The following GADL1 variants were observed in gnomAD, a reference collection of about 807,000 sequenced individuals.
GADL1 encodes GAD like acidic amino acid decarboxylase 1.
Under a neutral mutation model 69.5 loss-of-function variants are expected in GADL1, and 71 were observed. That is an observed-to-expected ratio of 1.02 (90% CI 0.84 to 1.25). GADL1 has a LOEUF of 1.25. GADL1 is among the 50% of genes most tolerant of loss of function. GADL1 has a pLI of 0.00. For synonymous variants in GADL1, 254 were observed against 214.4 expected (o/e 1.18, Z -1.62); for missense variants, 737 against 631.8 (o/e 1.17, Z -1.79).
chr3:30,861,737 T>G lies in GADL1; in HGVS notation c.66A>C (p.Pro22=). The part of the protein sequence containing the change: ...DGDIDQQEMI[P]SKKNAVLVDG... ...CCACAAGAACAGCATTCTTCTTACT[T>G]GGAATCATCTCTTGTTGATCAATAT... is the stretch of plus-strand genomic sequence containing the variant. Residue 22 remains proline, a synonymous_variant, in exon 2 of 15, where the codon CCA becomes CCC. Transcript: ENST00000282538. The G allele has an allele frequency of 1.3e-6, 2 of 1,547,082 alleles. No individual in the cohort carries two copies. The highest frequency in any genetic ancestry group is 1.7e-6 in the Non-Finnish European group (2 of 1,144,872).
In GADL1 at chr3:30,801,229, A is replaced by C; in HGVS notation, c.1051-141T>G. On this transcript the variant is annotated intron_variant, in intron 11 of 14. Transcript: ENST00000282538. ...ACTTTGACTGCCTTACATCAGACAC[A>C]ATCAGTGTACATTGACTTTCAGATA... is the stretch of plus-strand genomic sequence containing the variant. 3 of 646,324 alleles carry C rather than the reference A, an allele frequency of 4.6e-6. No individual in the cohort carries two copies. The South Asian group carries it at 5.6e-5, about 12-fold the overall frequency. 40.0% of individuals were successfully genotyped at this position (646,324 alleles called of 1,614,324 possible).
intron 14 of GADL1, among the ~76,000 whole-genome samples, chr3:30,773,815 T>G (rs945038407): frequency 3.3e-5 from 5 of 151,906 alleles, no homozygotes; most frequent in African/African-American, 1.2e-4. Flanking sequence ...TGCTGAAAGA[T>G]AAGATATTTG....
intron 14 of GADL1, among the ~76,000 whole-genome samples, chr3:30,739,392 C>T (rs901572858): frequency 3.3e-5 from 5 of 152,162 alleles, no homozygotes; most frequent in African/African-American, 1.2e-4. Flanking sequence ...CACCTGCCTG[C>T]ACCCATGCAC....
At chr3:30,889,667 CTT>C (rs1698761037) in intron 1 of GADL1, among the ~76,000 whole-genome samples, 1 of 151,960 alleles carries the variant, frequency 6.6e-6, no homozygotes, top group Admixed American at 6.6e-5. Context: ...TCACGCATCT[CTT>C]TTAACTCAAT....
chr3:30,774,484 T>TACC (rs1303347931), intron 14 of GADL1, among the ~76,000 whole-genome samples: 1 of 152,224 alleles, frequency 6.6e-6, no homozygotes, highest in African/African-American at 2.4e-5. Flanking sequence ...ATATCATTAA[T>TACC]ACCACACTGT....
intron 14 of GADL1, among the ~76,000 whole-genome samples, chr3:30,767,861 TTA>T (rs1439027006): frequency 1.3e-5 from 2 of 152,122 alleles, no homozygotes; most frequent in South Asian, 2.1e-4. Flanking sequence ...CATGTTACCC[TTA>T]TTCAAATTTA....
At chr3:30,796,747 C>G (rs1697040725) in intron 12 of GADL1, among the ~76,000 whole-genome samples, 1 of 152,146 alleles carries the variant, frequency 6.6e-6, no homozygotes, top group Non-Finnish European at 1.5e-5. Context: ...TTCTGAAAGT[C>G]ATCACTACAC....
At chr3:30,833,643 A>G (rs1697826572) in intron 11 of GADL1, among the ~76,000 whole-genome samples, 1 of 152,100 alleles carries the variant, frequency 6.6e-6, no homozygotes. Context: ...TATAATACCT[A>G]AATCAAATCC....
At chr3:30,827,632 G>T (rs986504305) in intron 11 of GADL1, among the ~76,000 whole-genome samples, 4 of 151,850 alleles carry the variant, frequency 2.6e-5, no homozygotes, top group African/African-American at 9.7e-5. Context: ...TGACAGAGGT[G>T]TTTGTGATTA....
chr3:30,755,732 AAAT>A (rs1287184291), intron 14 of GADL1, among the ~76,000 whole-genome samples: 14 of 68,594 alleles, frequency 2.0e-4, no homozygotes, highest in Admixed American at 1.2e-3. Flanking sequence ...AATGTTCAAT[AAAT>A]AATTGTTAAA....
chr3:30,771,750 T>A (rs747369130), intron 14 of GADL1, among the ~76,000 whole-genome samples: 1 of 152,230 alleles, frequency 6.6e-6, no homozygotes, highest in African/African-American at 2.4e-5. Flanking sequence ...AATATACTAA[T>A]GTCAAAGACA....
At chr3:30,754,494 G>GC (rs1559488378) in intron 14 of GADL1, among the ~76,000 whole-genome samples, 1 of 151,946 alleles carries the variant, frequency 6.6e-6, no homozygotes, top group East Asian at 1.9e-4. Flanking sequence ...ATCTTCAGGA[G>GC]TTCTGGGAGC....
At chr3:30,765,527 A>G (rs898821039) in intron 14 of GADL1, among the ~76,000 whole-genome samples, 1 of 152,326 alleles carries the variant, frequency 6.6e-6, no homozygotes, top group East Asian at 1.9e-4. Context: ...AATCAACCCC[A>G]TTATTAAACA....
At chr3:30,830,042 C>T (rs1227977842) in intron 11 of GADL1, among the ~76,000 whole-genome samples, 1 of 151,820 alleles carries the variant, frequency 6.6e-6, no homozygotes, top group African/African-American at 2.4e-5. Flanking sequence ...TCACATGCCT[C>T]ACATTTTGTA....
intron 12 of GADL1, among the ~76,000 whole-genome samples, chr3:30,787,586 T>C (rs945753486): frequency 7.9e-5 from 12 of 152,132 alleles, no homozygotes; most frequent in African/African-American, 2.9e-4. Flanking sequence ...GATTTTTATA[T>C]ATAATAGCAA....
intron 12 of GADL1, among the ~76,000 whole-genome samples, chr3:30,792,803 A>G (rs1464146561): frequency 6.6e-6 from 1 of 152,156 alleles, no homozygotes; most frequent in Admixed American, 6.5e-5. Flanking sequence ...AGTTCTATTT[A>G]GGTAAGAATA....
Position 30,749,780 on chromosome 3 carries a change from G to A in GADL1, c.1393-21365C>T, listed in dbSNP as rs1370867854. Among the ~76,000 whole-genome samples the A allele has an allele frequency of 2.6e-5, 4 of 152,260 alleles. No homozygotes were observed. In the South Asian group the frequency reaches 8.3e-4, roughly 32 times the overall value. ...TTCGCCCCAGCTGAACAGCTGACAC[G>A]AGCTCCCGAGGCACTCTACTGAGGA... is the stretch of plus-strand genomic sequence containing the variant. On this transcript the variant is annotated intron_variant, in intron 14 of 14. Coordinates refer to ENST00000282538, the MANE Select transcript of GADL1 (RefSeq NM_207359.3).
At chr3:30,732,777 G>A (rs1695477706) in intron 14 of GADL1, among the ~76,000 whole-genome samples, 1 of 152,092 alleles carries the variant, frequency 6.6e-6, no homozygotes, top group African/African-American at 2.4e-5. Flanking sequence ...GTTTTTCAGG[G>A]TCGGGCATGG....
intron 14 of GADL1, among the ~76,000 whole-genome samples, chr3:30,776,047 T>C (rs1459781286): frequency 6.6e-6 from 1 of 152,006 alleles, no homozygotes; most frequent in Non-Finnish European, 1.5e-5. Context: ...GATCGTGCCA[T>C]TGCACCCCAG....
Sources: gnomAD v4.1 joint callset for allele counts (sites outside exome capture counted in the v4.1 genomes callset) on GRCh38, gnomAD v4.1.1 for gene constraint, MANE v1.5 for transcripts, NCBI Gene and HGNC (gene_info 2026-07-23, HGNC 2026-07-21) for gene names.